The following ATP8B4 variants were observed in gnomAD, a reference collection of about 807,000 sequenced individuals.
The protein encoded by ATP8B4 is ATPase phospholipid transporting 8B4 (putative), also known as probable phospholipid-transporting ATPase IM.
In ATP8B4, 133 loss-of-function variants were observed where a neutral mutation model predicts 145.6. The observed-to-expected ratio is 0.91, with a 90% CI of 0.79 to 1.05. The LOEUF (loss-of-function observed/expected upper bound fraction) is 1.05. Ranked by LOEUF, ATP8B4 falls within the 50% of genes least tolerant of loss-of-function variation. ATP8B4 has a pLI of 0.00. For synonymous variants in ATP8B4, 507 were observed against 492.9 expected (o/e 1.03, Z -0.38); for missense variants, 1,458 against 1,425.2 (o/e 1.02, Z -0.37).
At chr15:49,993,377 T>C (rs2047184804) in intron 9 of ATP8B4, among the ~76,000 whole-genome samples, 1 of 151,148 alleles carries the variant, frequency 6.6e-6, no homozygotes, top group South Asian at 2.1e-4. Flanking sequence ...CTGATAGTAG[T>C]GTGTGTGTGT....
At chr15:50,163,033 C>G (rs1396457432) in intron 1 of ATP8B4, among the ~76,000 whole-genome samples, 2 of 152,152 alleles carry the variant, frequency 1.3e-5, no homozygotes, top group Non-Finnish European at 2.9e-5. Context: ...CCTGTGTTAT[C>G]TTGAATTCCA....
At chr15:50,151,280 T>C (rs1047891442) in intron 1 of ATP8B4, among the ~76,000 whole-genome samples, 2 of 152,220 alleles carry the variant, frequency 1.3e-5, no homozygotes, top group Admixed American at 6.5e-5. Flanking sequence ...TTTAGAAACA[T>C]AACTTTTTCT....
rs756575696 is a variant in ATP8B4, at chr15:49,897,305, C to A, written c.2684G>T (p.Gly895Val). The change falls in exon 23 of 28, where the codon GGT (glycine) becomes GTT (valine). Residue 895 changes from glycine to valine, a missense_variant. Transcript: ENST00000284509. ...GCTTTTACCAACCTGGGCTGAGAAA[C>A]CACAGAAGAAACCAAACCAGAAATG... The part of the protein sequence containing the change: ...LVHFWFGFFC[G>V]FSAQTVYDQW... 5.0e-6 allele frequency: 8 copies of A among 1,607,738 alleles called. No individual in the cohort carries two copies. In the South Asian group the frequency reaches 8.9e-5, roughly 18 times the overall value.
intron 2 of ATP8B4, among the ~76,000 whole-genome samples, chr15:50,088,709 T>C (rs2055387502): frequency 6.6e-6 from 1 of 152,216 alleles, no homozygotes; most frequent in Non-Finnish European, 1.5e-5. Context: ...GTGAGCTCCA[T>C]GCAGGTTGAG....
At chr15:49,950,755 T>C (rs2043033214) in intron 14 of ATP8B4, among the ~76,000 whole-genome samples, 1 of 152,158 alleles carries the variant, frequency 6.6e-6, no homozygotes, top group Admixed American at 6.5e-5. Flanking sequence ...TTGGATTAGT[T>C]TGCTCTTGCC....
At chr15:49,932,565 A>G (rs942822758) in intron 15 of ATP8B4, among the ~76,000 whole-genome samples, 3 of 152,094 alleles carry the variant, frequency 2.0e-5, no homozygotes, top group African/African-American at 7.2e-5. Context: ...AAGCATTTTA[A>G]TATTCTTAAA....
chr15:50,042,899 C>T (rs1233038181), intron 5 of ATP8B4, among the ~76,000 whole-genome samples: 1 of 152,022 alleles, frequency 6.6e-6, no homozygotes, highest in Non-Finnish European at 1.5e-5. Context: ...AACGAAGAGC[C>T]AATGGGCCAT....
At chr15:50,084,156 G>C (rs148436268) in intron 2 of ATP8B4, among the ~76,000 whole-genome samples, 1 of 152,226 alleles carries the variant, frequency 6.6e-6, no homozygotes, top group African/African-American at 2.4e-5. Flanking sequence ...TAACGAAAAG[G>C]AATTTGGTGG....
chr15:50,037,925 G>A (rs1006037242), intron 6 of ATP8B4, among the ~76,000 whole-genome samples: 1 of 152,098 alleles, frequency 6.6e-6, no homozygotes, highest in African/African-American at 2.4e-5. Context: ...AAGCTACCTA[G>A]CCCCTCTTGA....
At chr15:49,903,166 C>T (rs2038228781) in intron 20 of ATP8B4, among the ~76,000 whole-genome samples, 1 of 152,192 alleles carries the variant, frequency 6.6e-6, no homozygotes, top group Non-Finnish European at 1.5e-5. Context: ...GACCTTTGCC[C>T]ACGCTCTGTA....
chr15:50,023,779 C>CAAAAAAAAAA (rs60030651), intron 6 of ATP8B4, among the ~76,000 whole-genome samples: 21 of 75,006 alleles, frequency 2.8e-4, no homozygotes, highest in Non-Finnish European at 3.3e-4. Flanking sequence ...AGACCAAAGG[C>CAAAAAAAAAA]AAAAAAAAAA....
At chr15:50,066,448 T>C (rs1175541904) in intron 3 of ATP8B4, among the ~76,000 whole-genome samples, 2 of 152,140 alleles carry the variant, frequency 1.3e-5, no homozygotes, top group Non-Finnish European at 2.9e-5. Context: ...CTGTACTCTT[T>C]AGTTGGTGCA....
chr15:50,161,061 G>T (rs1228292232), intron 1 of ATP8B4, among the ~76,000 whole-genome samples: 1 of 151,988 alleles, frequency 6.6e-6, no homozygotes, highest in Non-Finnish European at 1.5e-5. Flanking sequence ...CCAGTGGTGG[G>T]TGCATATATA....
At chr15:49,990,131 A>G (rs902053748) in intron 9 of ATP8B4, among the ~76,000 whole-genome samples, 1 of 152,108 alleles carries the variant, frequency 6.6e-6, no homozygotes, top group Non-Finnish European at 1.5e-5. Context: ...AAGGGAGTCG[A>G]GTAGATCTGA....
chr15:50,095,994 C>T (rs1468211039), intron 2 of ATP8B4, among the ~76,000 whole-genome samples: 1 of 152,110 alleles, frequency 6.6e-6, no homozygotes, highest in Admixed American at 6.6e-5. Flanking sequence ...TTGGAAATAA[C>T]GTATAATGTT....
In ATP8B4 at chr15:49,987,492, G is replaced by A. The variant is rs938457469; in HGVS notation, c.647C>T (p.Ser216Phe). ...GAGGGAATGCTTGCTGTCTTTCCAA[G>A]AAAGGATTCCCATGAATTTATCTAA... Reference protein sequence around the residue: ...NKLDKFMGILSWKDSKHSLNN... With the variant: ...NKLDKFMGILFWKDSKHSLNN... The change falls in exon 10 of 28, where the codon TCT becomes TTT. Residue 216 changes from serine to phenylalanine, a missense_variant. Transcript: ENST00000284509. The A allele has an allele frequency of 6.2e-7, 1 of 1,613,678 alleles. No individual in the cohort carries two copies.
At chr15:49,914,050 A>G (rs763155703) in intron 20 of ATP8B4, among the ~76,000 whole-genome samples, 14 of 152,354 alleles carry the variant, frequency 9.2e-5, no homozygotes, top group Middle Eastern at 3.4e-3. Context: ...ACAAAGCTGG[A>G]GGCATCACAC....
chr15:50,067,084 CCCATA>C (rs570050664), intron 3 of ATP8B4, among the ~76,000 whole-genome samples: 147 of 152,180 alleles, frequency 9.7e-4, no homozygotes, highest in African/African-American at 3.5e-3. Flanking sequence ...GAGTTTCCAC[CCCATA>C]CCTCACATTT....
chr15:49,901,454 T>C (rs1290936156), intron 20 of ATP8B4, among the ~76,000 whole-genome samples: 1 of 152,166 alleles, frequency 6.6e-6, no homozygotes, highest in African/African-American at 2.4e-5. Context: ...GTAAACATAA[T>C]GAAAATACAA....
Sources: allele counts gnomAD v4.1 joint callset (sites outside exome capture counted in the v4.1 genomes callset), GRCh38; gene constraint gnomAD v4.1.1; transcripts MANE v1.5; gene names NCBI Gene and HGNC (gene_info 2026-07-23, HGNC 2026-07-21).